ST6GALNAC3: variants seen among roughly 807,000 people sequenced by gnomAD.
The protein encoded by ST6GALNAC3 is alpha-N-acetylgalactosaminide alpha-2,6-sialyltransferase 3.
ST6GALNAC3 carries 25 observed loss-of-function variants against 32.7 expected under a neutral mutation model. That is an observed-to-expected ratio of 0.76 (90% confidence interval 0.56 to 1.07). ST6GALNAC3 has a LOEUF of 1.07. Among genes scored for constraint, ST6GALNAC3 ranks in the 50% least tolerant of loss-of-function variants. ST6GALNAC3 has a pLI of 0.00. For synonymous variants in ST6GALNAC3, 129 were observed against 133.1 expected, an observed-to-expected ratio of 0.97 and a Z score of 0.21; for missense variants, 355 against 382.4, an observed-to-expected ratio of 0.93 and a Z score of 0.60.
chr1:76,422,003 T>G (rs1655058538), intron 3 of ST6GALNAC3, among the ~76,000 whole-genome samples: 1 of 151,988 alleles, frequency 6.6e-6, no homozygotes, highest in African/African-American at 2.4e-5. Context: ...TTGTTCTATT[T>G]TATTTTTTTC....
At chr1:76,349,782 T>C (rs1286273656) in intron 2 of ST6GALNAC3, among the ~76,000 whole-genome samples, 1 of 152,198 alleles carries the variant, frequency 6.6e-6, no homozygotes, top group Non-Finnish European at 1.5e-5. Flanking sequence ...GATCATTATG[T>C]TAGCATTTTG....
At chr1:76,488,120 TA>T (rs1660248670) in intron 3 of ST6GALNAC3, among the ~76,000 whole-genome samples, 2 of 152,186 alleles carry the variant, frequency 1.3e-5, no homozygotes, top group African/African-American at 4.8e-5. Flanking sequence ...TGCTGAAATA[TA>T]ATCCCCCATG....
At chr1:76,396,528 CT>C (rs533460615) in intron 2 of ST6GALNAC3, among the ~76,000 whole-genome samples, 29 of 152,150 alleles carry the variant, frequency 1.9e-4, no homozygotes, top group Middle Eastern at 3.4e-3. Flanking sequence ...TTCTACAGCC[CT>C]TTTTTTCCCC....
intron 3 of ST6GALNAC3, among the ~76,000 whole-genome samples, chr1:76,544,916 C>T (rs1664199120): frequency 1.3e-5 from 2 of 152,202 alleles, no homozygotes; most frequent in South Asian, 4.1e-4. Context: ...TTAACACCCA[C>T]AAAGTAGAAA....
At chr1:76,478,784 A>C (rs1318606301) in intron 3 of ST6GALNAC3, among the ~76,000 whole-genome samples, 2 of 82,934 alleles carry the variant, frequency 2.4e-5, no homozygotes, top group Non-Finnish European at 4.6e-5. Context: ...TTTTTTTGAG[A>C]TGAAGTCTCA....
chr1:76,103,746 A>G (rs1647338118), intron 1 of ST6GALNAC3, among the ~76,000 whole-genome samples: 1 of 151,894 alleles, frequency 6.6e-6, no homozygotes. Context: ...GCTTGTAGCT[A>G]TCTCTCTGTC....
At chr1:76,199,077 C>T (rs889232461) in intron 1 of ST6GALNAC3, among the ~76,000 whole-genome samples, 1 of 152,160 alleles carries the variant, frequency 6.6e-6, no homozygotes, top group African/African-American at 2.4e-5. Context: ...AAGTTTCCAT[C>T]CATGGCTCAA....
At chr1:76,356,666 G>T (rs1000223612) in intron 2 of ST6GALNAC3, among the ~76,000 whole-genome samples, 1 of 152,060 alleles carries the variant, frequency 6.6e-6, no homozygotes, top group African/African-American at 2.4e-5. Context: ...ACTTAAACAG[G>T]CATCATAAAC....
At chr1:76,468,576 A>G (rs553338967) in intron 3 of ST6GALNAC3, among the ~76,000 whole-genome samples, 7 of 151,228 alleles carry the variant, frequency 4.6e-5, no homozygotes, top group African/African-American at 1.7e-4. Flanking sequence ...GCCTTCACTC[A>G]CTCCTTTCGA....
At chr1:76,623,814 C>T (rs536868323) in intron 3 of ST6GALNAC3, among the ~76,000 whole-genome samples, 37 of 151,968 alleles carry the variant, frequency 2.4e-4, no homozygotes, top group African/African-American at 8.2e-4. Flanking sequence ...CACAGCAACT[C>T]GGTAGAGTTT....
chr1:76,323,511 G>T (rs779183503), intron 2 of ST6GALNAC3, among the ~76,000 whole-genome samples: 1 of 152,148 alleles, frequency 6.6e-6, no homozygotes, highest in Non-Finnish European at 1.5e-5. Context: ...TCCTTTAAAT[G>T]GTTTCACAGA....
intron 3 of ST6GALNAC3, among the ~76,000 whole-genome samples, chr1:76,609,906 C>T (rs665178): frequency 0.51 from 77,297 of 152,002 alleles, 21,979 homozygotes; most frequent in East Asian, 0.81. Context: ...GGAATAGAAA[C>T]GCCTTGGCCA....
At chr1:76,621,460 A>G (rs976251759) in intron 3 of ST6GALNAC3, among the ~76,000 whole-genome samples, 4 of 152,052 alleles carry the variant, frequency 2.6e-5, no homozygotes, top group Non-Finnish European at 5.9e-5. Context: ...ATTTGCAGAA[A>G]GTTGTTGCTG....
At chr1:76,472,917 G>A (rs779839892) in intron 3 of ST6GALNAC3, among the ~76,000 whole-genome samples, 16 of 152,096 alleles carry the variant, frequency 1.1e-4, no homozygotes, top group Non-Finnish European at 1.9e-4. Flanking sequence ...GAGAGTGACA[G>A]ATTACAAATG....
intron 1 of ST6GALNAC3, among the ~76,000 whole-genome samples, chr1:76,121,204 G>C (rs766114790): frequency 2.6e-5 from 4 of 152,196 alleles, no homozygotes; most frequent in Admixed American, 6.5e-5. Context: ...TTGGAGATTA[G>C]GATGTTGGCA....
intron 3 of ST6GALNAC3, among the ~76,000 whole-genome samples, chr1:76,580,720 A>C (rs1032655802): frequency 6.6e-6 from 1 of 152,130 alleles, no homozygotes; most frequent in Non-Finnish European, 1.5e-5. Context: ...TAAGCTCATG[A>C]TCTCTCTTTA....
chr1:76,572,457 C>G (rs1646717633), intron 3 of ST6GALNAC3, among the ~76,000 whole-genome samples: 1 of 152,080 alleles, frequency 6.6e-6, no homozygotes, highest in African/African-American at 2.4e-5. Flanking sequence ...TCTATAACCT[C>G]TTGGTAGCTT....
chr1:76,125,670 C>T (rs990153746), intron 1 of ST6GALNAC3, among the ~76,000 whole-genome samples: 3 of 152,232 alleles, frequency 2.0e-5, no homozygotes, highest in African/African-American at 7.2e-5. Context: ...TGTTTCCCAT[C>T]AGCAGACAGC....
At chr1:76,401,549 T>C (rs2209460) in intron 2 of ST6GALNAC3, among the ~76,000 whole-genome samples, 3,948 of 152,276 alleles carry the variant, frequency 0.026, 98 homozygotes, top group African/African-American at 0.074. Flanking sequence ...TTTTTATATC[T>C]GAAGTTTTTA....
Sources: gnomAD v4.1 joint callset for allele counts (sites outside exome capture counted in the v4.1 genomes callset) on GRCh38, gnomAD v4.1.1 for gene constraint, MANE v1.5 for transcripts, NCBI Gene and HGNC (gene_info 2026-07-23, HGNC 2026-07-21) for gene names.